The following FARS2 variants were observed in gnomAD, a reference collection of about 807,000 sequenced individuals.
FARS2 encodes phenylalanine--tRNA ligase, mitochondrial.
Under a neutral mutation model 46.4 loss-of-function variants are expected in FARS2, and 40 were observed. The ratio of observed to expected loss-of-function variants is 0.86; its 90% CI spans 0.67 to 1.12. The LOEUF (loss-of-function observed/expected upper bound fraction) is 1.12, where lower values mean the gene tolerates loss of function less well. FARS2 is among the 50% of genes most tolerant of loss of function. The probability of loss-of-function intolerance (pLI) is 0.00; values close to 1 mark genes in which losing one functional copy is unlikely to be tolerated. For synonymous variants in FARS2, 234 were observed against 214.9 expected (o/e 1.09, Z -0.78); for missense variants, 513 against 567.9 (o/e 0.90, Z 0.98).
chr6:5,400,939 G>A (rs1004660808), intron 2 of FARS2, among the ~76,000 whole-genome samples: 3 of 150,062 alleles, frequency 2.0e-5, no homozygotes, highest in African/African-American at 7.4e-5. Context: ...TGTCTTGCTC[G>A]GTGTTTTTTT....
chr6:5,771,157 C>A, intron 6 of FARS2, 134 bp from the exon 7 acceptor site: 1 of 881,856 alleles, frequency 1.1e-6, no homozygotes, highest in Non-Finnish European at 1.8e-6. Context: ...AGATTGTTAG[C>A]GGTAAATGGT....
At chr6:5,533,321 T>G (rs1366825918) in intron 4 of FARS2, among the ~76,000 whole-genome samples, 1 of 152,226 alleles carries the variant, frequency 6.6e-6, no homozygotes, top group African/African-American at 2.4e-5. Flanking sequence ...CACTTTATAA[T>G]ATGATAGATA....
At position 5,506,424 on chromosome 6, in the gene FARS2, C is replaced by A. The variant is rs1259164403; in HGVS notation, c.905-38756C>A. On this transcript the variant is annotated intron_variant, in intron 4 of 6. Coordinates refer to ENST00000274680, the MANE Select transcript of FARS2 (RefSeq NM_006567.5). The stretch of plus-strand genomic sequence containing the variant: ...TTGACTCTCAAGATTTGTGAATGCC[C>A]CACTGTTGGTCCAACATTCAAATGG... Among the ~76,000 whole-genome samples, 3 of 152,166 alleles carry A rather than the reference C, an allele frequency of 2.0e-5. No individual in the cohort carries two copies. The East Asian group carries it at 5.8e-4, about 29-fold the overall frequency.
chr6:5,251,376 GAA>G, the FARS2 span, among the ~76,000 whole-genome samples: 1 of 152,154 alleles, frequency 6.6e-6, no homozygotes, highest in Non-Finnish European at 1.5e-5. Flanking sequence ...AATTTATGAA[GAA>G]AAGAGGTTTA....
chr6:5,261,004 C>G (rs1765070656), upstream of FARS2: 2 of 1,071,056 alleles, frequency 1.9e-6, no homozygotes, highest in African/African-American at 1.7e-5. Context: ...CCGCCCCGAT[C>G]CCGCCCCCGC....
intron 4 of FARS2, among the ~76,000 whole-genome samples, chr6:5,465,753 AT>A (rs1372129054): frequency 6.6e-6 from 1 of 152,130 alleles, no homozygotes; most frequent in Non-Finnish European, 1.5e-5. Context: ...AAATGGAGGC[AT>A]TAAAAGTCCA....
intron 5 of FARS2, among the ~76,000 whole-genome samples, chr6:5,547,789 C>T (rs544952566): frequency 3.9e-5 from 6 of 152,350 alleles, no homozygotes; most frequent in Admixed American, 2.6e-4. Context: ...ATGTCTTTGC[C>T]AGTAGCAGGC....
intron 4 of FARS2, among the ~76,000 whole-genome samples, chr6:5,483,947 G>A (rs1308235989): frequency 1.3e-5 from 2 of 152,076 alleles, no homozygotes; most frequent in Non-Finnish European, 2.9e-5. Context: ...GGAAAAAGGA[G>A]ACTTGGAAGT....
chr6:5,432,586 G>A (rs1251735967), intron 4 of FARS2, among the ~76,000 whole-genome samples: 2 of 144,914 alleles, frequency 1.4e-5, no homozygotes, highest in Admixed American at 7.1e-5. Flanking sequence ...GTTTGGATTG[G>A]GCATTTGAGC....
chr6:5,742,052 C>T (rs1761377844), intron 6 of FARS2, among the ~76,000 whole-genome samples: 1 of 152,244 alleles, frequency 6.6e-6, no homozygotes, highest in Non-Finnish European at 1.5e-5. Context: ...CTGCCCAAGA[C>T]AGAAAGTTTC....
intron 2 of FARS2, among the ~76,000 whole-genome samples, chr6:5,389,351 C>T (rs1392954799): frequency 6.6e-6 from 1 of 152,188 alleles, no homozygotes. Context: ...CTGTCTCTCT[C>T]TCTCTCCTCT....
At chr6:5,266,086 A>G (rs1765530732) in intron 1 of FARS2, among the ~76,000 whole-genome samples, 2 of 152,114 alleles carry the variant, frequency 1.3e-5, no homozygotes, top group South Asian at 4.1e-4. Context: ...AAGGATTTAA[A>G]TGTTTGAATG....
At chr6:5,382,333 C>CT (rs1161796887) in intron 2 of FARS2, among the ~76,000 whole-genome samples, 1 of 152,202 alleles carries the variant, frequency 6.6e-6, no homozygotes, top group Non-Finnish European at 1.5e-5. Flanking sequence ...TATCCCAACT[C>CT]TTTCATCTCT....
At chr6:5,559,568 A>G (rs1474995138) in intron 5 of FARS2, among the ~76,000 whole-genome samples, 3 of 152,244 alleles carry the variant, frequency 2.0e-5, no homozygotes, top group African/African-American at 7.2e-5. Flanking sequence ...TCCAAAAAAC[A>G]TTCTGTAGGA....
intron 4 of FARS2, among the ~76,000 whole-genome samples, chr6:5,544,829 T>C (rs1770863069): frequency 6.6e-6 from 1 of 152,226 alleles, no homozygotes; most frequent in Non-Finnish European, 1.5e-5. Flanking sequence ...TTCCACTCTG[T>C]AACCTATATT....
intron 5 of FARS2, among the ~76,000 whole-genome samples, chr6:5,557,747 T>G (rs931886250): frequency 1.3e-5 from 2 of 152,138 alleles, no homozygotes; most frequent in African/African-American, 4.8e-5. Flanking sequence ...AAATCTCCCC[T>G]TAGAGCTCGC....
At position 5,711,291 on chromosome 6, in the gene FARS2, GATGAATGA is replaced by G. The variant is rs34840036; in HGVS notation, c.1218-59978_1218-59971del. 3.6e-3 allele frequency among the ~76,000 whole-genome samples: 544 copies of G among 151,378 alleles called. 4 individuals are homozygous for G. Among genetic ancestry groups the G allele is most frequent in the African/African-American group, 0.013 (525 of 41,232 alleles). On this transcript the variant is annotated intron_variant, in intron 6 of 6. Transcript: ENST00000274680. ...TACCAATATAAATGAATGCGGGATG[GATGAATGA>G]ATGAATGAATGAATGAATGAAGAGA...
At chr6:5,568,603 C>G (rs1034861736) in intron 5 of FARS2, among the ~76,000 whole-genome samples, 1 of 152,078 alleles carries the variant, frequency 6.6e-6, no homozygotes, top group African/African-American at 2.4e-5. Context: ...GTCCTGGAGG[C>G]GTGAGACAGC....
chr6:5,686,509 A>G (rs1178384994), intron 6 of FARS2, among the ~76,000 whole-genome samples: 1 of 152,192 alleles, frequency 6.6e-6, no homozygotes, highest in African/African-American at 2.4e-5. Context: ...AGCTTCATCC[A>G]TGTCCCTACA....
Sources: allele counts gnomAD v4.1 joint callset (sites outside exome capture counted in the v4.1 genomes callset), GRCh38; gene constraint gnomAD v4.1.1; transcripts MANE v1.5; gene names NCBI Gene and HGNC (gene_info 2026-07-23, HGNC 2026-07-21).